The following EXD3 variants were observed in gnomAD, a reference collection of about 807,000 sequenced individuals.
The protein encoded by EXD3 is exonuclease 3'-5' domain containing 3.
A neutral mutation model predicts 98.0 loss-of-function variants in EXD3; 92 were observed. The ratio of observed to expected loss-of-function variants is 0.94; its 90% CI spans 0.79 to 1.12. The LOEUF is 1.12. Among genes scored for constraint, EXD3 ranks in the 50% most tolerant of loss-of-function variants. The pLI, the probability that EXD3 is intolerant of heterozygous loss-of-function variation, is 0.00. For synonymous variants in EXD3, 569 were observed against 526.0 expected, an observed-to-expected ratio of 1.08 and a Z score of -1.12; for missense variants, 1,222 against 1,191.6, an observed-to-expected ratio of 1.03 and a Z score of -0.38.
In EXD3 at chr9:137,330,414, ACTACACAGGAG is replaced by A. The variant is rs1324609553; in HGVS notation, c.1999-6282_1999-6272del. 8.0e-5 allele frequency among the ~76,000 whole-genome samples: 10 copies of A among 124,418 alleles called. No homozygotes were observed. In the South Asian group the frequency reaches 8.6e-4, roughly 11 times the overall value. 81.6% of individuals were successfully genotyped at this position (124,418 alleles called of 152,430 possible). ...CAGGAGCTACACAGGGCTCCACAGG[ACTACACAGGAG>A]CTACACAGGACTACACAGGACTACA... On this transcript the variant is annotated intron_variant, in intron 17 of 21. Coordinates refer to ENST00000340951, the MANE Select transcript of EXD3 (RefSeq NM_017820.5).
intron 19 of EXD3, among the ~76,000 whole-genome samples, chr9:137,310,571 G>A (rs1182596267): frequency 6.6e-6 from 1 of 152,198 alleles, no homozygotes; most frequent in Non-Finnish European, 1.5e-5. Context: ...GGCTTACTGC[G>A]ATGCTGGGGG....
Position 137,387,701 on chromosome 9 carries a change from G to A in EXD3, c.56-4324C>T, listed in dbSNP as rs568817204. Among the ~76,000 whole-genome samples the A allele has an allele frequency of 1.3e-4, 20 of 152,304 alleles. No homozygotes were observed. In the South Asian group the frequency reaches 3.9e-3, roughly 30 times the overall value. On this transcript the variant is annotated intron_variant, in intron 2 of 21. Coordinates refer to ENST00000340951, the MANE Select transcript of EXD3 (RefSeq NM_017820.5). Reference sequence around the variant, plus strand: ...GGGGCACGGGGTCCGAGAAGGGCGGGTGGGGCTTGGAGCTGACACCGAGGG... The same window carrying A: ...GGGGCACGGGGTCCGAGAAGGGCGGATGGGGCTTGGAGCTGACACCGAGGG...
At chr9:137,362,241 G>A (rs1486507546) in intron 7 of EXD3, among the ~76,000 whole-genome samples, 3 of 152,118 alleles carry the variant, frequency 2.0e-5, no homozygotes, top group Non-Finnish European at 4.4e-5. Context: ...ATCCCTCATG[G>A]ACATGGATGC....
intron 2 of EXD3, among the ~76,000 whole-genome samples, chr9:137,384,459 C>A (rs886400277): frequency 6.6e-6 from 1 of 152,320 alleles, no homozygotes; most frequent in Admixed American, 6.5e-5. Context: ...TCACCTGGGA[C>A]GGGCAGGGAG....
chr9:137,394,577 T>TC lies in EXD3; in HGVS notation c.55+725dup, dbSNP rs1319192289. On this transcript the variant is annotated intron_variant, in intron 2 of 21. Coordinates refer to ENST00000340951, the MANE Select transcript of EXD3 (RefSeq NM_017820.5). Reference sequence around the variant, plus strand: ...CTTCCCTAATCCCGGCCTTCCAGCCTCCGCTTCCCTAACCCTGGCCCAGTC... The same window carrying TC: ...CTTCCCTAATCCCGGCCTTCCAGCCTCCCGCTTCCCTAACCCTGGCCCAGTC... 1.6e-4 allele frequency among the ~76,000 whole-genome samples: 24 copies of TC among 151,900 alleles called. 1 individual carries two copies. Among genetic ancestry groups the TC allele is most frequent in the African/African-American group, 5.8e-4 (24 of 41,264 alleles).
intron 1 of EXD3, among the ~76,000 whole-genome samples, chr9:137,408,217 A>G (rs2131816051): frequency 6.6e-6 from 1 of 152,140 alleles, no homozygotes; most frequent in Non-Finnish European, 1.5e-5. Context: ...CCGGCCCTGC[A>G]CGTGCCCCAA....
intron 7 of EXD3, among the ~76,000 whole-genome samples, chr9:137,356,912 C>G (rs1416645625): frequency 6.6e-6 from 1 of 152,198 alleles, no homozygotes; most frequent in Non-Finnish European, 1.5e-5. Context: ...CACCCTCCGA[C>G]CTCCAGGTAG....
chr9:137,346,266 A>T (rs1833925513), intron 17 of EXD3, among the ~76,000 whole-genome samples: 1 of 149,514 alleles, frequency 6.7e-6, no homozygotes, highest in Non-Finnish European at 1.5e-5. Context: ...AAAAAAAAAA[A>T]ATTCACTCCT....
intron 7 of EXD3, chr9:137,365,943 G>T (rs1005707705): frequency 6.8e-6 from 3 of 441,624 alleles, no homozygotes; most frequent in Middle Eastern, 5.9e-4. Context: ...ACACACAAAC[G>T]TGCACACACG....
intron 1 of EXD3, among the ~76,000 whole-genome samples, chr9:137,419,256 T>A (rs1373655032): frequency 6.6e-6 from 1 of 152,272 alleles, no homozygotes; most frequent in African/African-American, 2.4e-5. Context: ...TACGATTATA[T>A]GTTAAACTGT....
chr9:137,351,280 T>C (rs1287552349), intron 13 of EXD3, 38 bp downstream of exon 13: 2 of 1,584,676 alleles, frequency 1.3e-6, no homozygotes, highest in African/African-American at 1.3e-5. Context: ...GGCTGCTTTC[T>C]TTCTGGACTG....
chr9:137,337,453 C>T (rs1833413278), intron 17 of EXD3, among the ~76,000 whole-genome samples: 2 of 152,034 alleles, frequency 1.3e-5, no homozygotes, highest in South Asian at 2.1e-4. Flanking sequence ...GAGTTCCAGA[C>T]CAGCCTGGCC....
chr9:137,383,247 GTC>G (rs1836408441), intron 3 of EXD3, 64 bp downstream of exon 3: 56 of 1,363,148 alleles, frequency 4.1e-5, no homozygotes, highest in Non-Finnish European at 5.6e-5. Flanking sequence ...TGTTAGGCCA[GTC>G]TCTGCCCAAC....
chr9:137,336,357 A>G (rs1030130092), intron 17 of EXD3, among the ~76,000 whole-genome samples: 7 of 152,222 alleles, frequency 4.6e-5, no homozygotes, highest in Non-Finnish European at 7.3e-5. Flanking sequence ...CGTTAACTCA[A>G]ATATACGTGT....
At chr9:137,416,675 G>A (rs1838246186) in intron 1 of EXD3, among the ~76,000 whole-genome samples, 1 of 152,248 alleles carries the variant, frequency 6.6e-6, no homozygotes, top group Admixed American at 6.5e-5. Context: ...CCTCTGAGGA[G>A]GATGGGGACG....
At chr9:137,320,941 G>T (rs559719674) in intron 19 of EXD3, among the ~76,000 whole-genome samples, 1 of 152,222 alleles carries the variant, frequency 6.6e-6, no homozygotes. Flanking sequence ...GGCAGCGGAC[G>T]CGGTTCCTGC....
rs777883998 is a variant in EXD3, at chr9:137,332,261, A to T, written c.1999-8118T>A. Among the ~76,000 whole-genome samples the T allele has an allele frequency of 5.3e-5, 8 of 152,312 alleles. No homozygotes were observed. The Middle Eastern group carries it at 0.01, about 194-fold the overall frequency. On this transcript the variant is annotated intron_variant, in intron 17 of 21. Coordinates refer to ENST00000340951, the MANE Select transcript of EXD3 (RefSeq NM_017820.5). ...ATCCTAAAATCTGTATGAACCAAAA[A>T]AGAGCCTGAATAGCCAAAGCAGTCC...
At position 137,405,717 on chromosome 9, in the gene EXD3, C is replaced by T. The variant is rs1432668143; in HGVS notation, c.-47-10313G>A. ...TTTCTTACATCACATTGAAGTAGAT[C>T]AAGTTCCTGATAAATGTTAGAGTTA... On this transcript the variant is annotated intron_variant, in intron 1 of 21. Coordinates refer to ENST00000340951, the MANE Select transcript of EXD3 (RefSeq NM_017820.5). The surrounding 1 kb of genome is among the most constrained non-coding windows in gnomAD (Gnocchi z 4.1). Among the ~76,000 whole-genome samples the T allele has an allele frequency of 6.6e-6, 1 of 152,222 alleles. No homozygotes were observed. Among genetic ancestry groups the T allele is most frequent in the Non-Finnish European group, 1.5e-5 (1 of 68,046 alleles).
intron 3 of EXD3, among the ~76,000 whole-genome samples, chr9:137,376,904 G>A (rs1835932943): frequency 6.7e-6 from 1 of 149,418 alleles, no homozygotes; most frequent in Non-Finnish European, 1.5e-5. Context: ...TCTCCAGGCT[G>A]GGCGACAAGA....
Sources: allele counts gnomAD v4.1 joint callset (sites outside exome capture counted in the v4.1 genomes callset), GRCh38; gene constraint gnomAD v4.1.1; non-coding constraint Gnocchi (gnomAD v3.1); transcripts MANE v1.5; gene names NCBI Gene and HGNC (gene_info 2026-07-23, HGNC 2026-07-21).